Variants in RAD51 observed in about 807,000 individuals in gnomAD.
RAD51 encodes the protein RAD51 recombinase, also known as DNA repair protein RAD51 homolog 1.
In RAD51, 14 loss-of-function variants were observed where a neutral mutation model predicts 41.5. That is an observed-to-expected ratio of 0.34 (90% CI 0.22 to 0.53). The LOEUF (loss-of-function observed/expected upper bound fraction) is 0.53, where lower values mean the gene tolerates loss of function less well. Among genes scored for constraint, RAD51 ranks in the 20% least tolerant of loss-of-function variants. The probability of loss-of-function intolerance (pLI) is 0.95; values close to 1 mark genes in which losing one functional copy is unlikely to be tolerated. For missense variants in RAD51, 234 were observed against 422.0 expected (o/e 0.55, Z 3.90); for synonymous variants, 136 against 148.6 (o/e 0.92, Z 0.62).
chr15:40,715,216 C>T (rs1267783199), intron 5 of RAD51, among the ~76,000 whole-genome samples: 4 of 151,764 alleles, frequency 2.6e-5, no homozygotes, highest in Admixed American at 6.6e-5. Context: ...ATTAGCCAGG[C>T]GTGGGGGTGG....
chr15:40,729,849 T>A lies in RAD51; in HGVS notation c.775-4T>A. Reference sequence around the variant, plus strand: ...AAAATTGACATTTATCCTTTCCCCATCAGTTTGGTGTAGCAGTGGTAATCA... The same window carrying A: ...AAAATTGACATTTATCCTTTCCCCAACAGTTTGGTGTAGCAGTGGTAATCA... On this transcript the variant is annotated splice_region_variant and splice_polypyrimidine_tract_variant and intron_variant, in intron 8 of 9. Transcript: ENST00000267868. The A allele has an allele frequency of 6.2e-7, 1 of 1,614,188 alleles. No individual in the cohort carries two copies.
At chr15:40,716,764 C>T (rs771055373) in intron 5 of RAD51, among the ~76,000 whole-genome samples, 18 of 149,822 alleles carry the variant, frequency 1.2e-4, no homozygotes, top group South Asian at 8.5e-4. Flanking sequence ...AGGTTCACGC[C>T]ATTCTCCTGC....
chr15:40,695,027 G>A (rs1401341088), upstream of RAD51: 1 of 152,262 alleles, frequency 6.6e-6, no homozygotes. Flanking sequence ...AAGGGAAGAG[G>A]GCAGTCTGTA....
intron 5 of RAD51, among the ~76,000 whole-genome samples, chr15:40,718,228 C>T (rs949940639): frequency 7.0e-6 from 1 of 143,366 alleles, no homozygotes; most frequent in Non-Finnish European, 1.5e-5. Context: ...GTCTCCAAAA[C>T]AAAAAAAGGC....
intron 5 of RAD51, among the ~76,000 whole-genome samples, chr15:40,712,605 C>T (rs1277497723): frequency 6.6e-6 from 1 of 152,192 alleles, no homozygotes; most frequent in African/African-American, 2.4e-5. Flanking sequence ...AGTGGCCAGT[C>T]CACAAAGTAT....
At chr15:40,720,599 A>G (rs1896220431) in intron 6 of RAD51, among the ~76,000 whole-genome samples, 1 of 152,194 alleles carries the variant, frequency 6.6e-6, no homozygotes, top group Non-Finnish European at 1.5e-5. Context: ...ATCCATCCAC[A>G]AGAAAAACTA....
At chr15:40,701,714 T>C (rs1895006884) in intron 3 of RAD51, 1 of 235,692 alleles carries the variant, frequency 4.2e-6, no homozygotes, top group Non-Finnish European at 8.6e-6. Context: ...ATTTCTTCAG[T>C]GTTTATATAG....
intron 3 of RAD51, among the ~76,000 whole-genome samples, chr15:40,704,153 A>G (rs1895176573): frequency 6.6e-6 from 1 of 151,892 alleles, no homozygotes; most frequent in African/African-American, 2.4e-5. Flanking sequence ...TGCTCACTGC[A>G]ACCTCTGCCT....
At chr15:40,712,220 G>A (rs914361116) in intron 5 of RAD51, among the ~76,000 whole-genome samples, 1 of 152,264 alleles carries the variant, frequency 6.6e-6, no homozygotes, top group Non-Finnish European at 1.5e-5. Flanking sequence ...AAAGGGCAGC[G>A]CTTGATGACT....
intron 5 of RAD51, among the ~76,000 whole-genome samples, chr15:40,714,657 G>T (rs1301403026): frequency 6.6e-6 from 1 of 152,090 alleles, no homozygotes; most frequent in African/African-American, 2.4e-5. Flanking sequence ...TAATAGAAAA[G>T]ATTACATTTC....
At chr15:40,703,236 C>T (rs1895113882) in intron 3 of RAD51, among the ~76,000 whole-genome samples, 1 of 152,028 alleles carries the variant, frequency 6.6e-6, no homozygotes, top group South Asian at 2.1e-4. Flanking sequence ...AAGTAAGTGT[C>T]TAGTACATGT....
chr15:40,701,752 G>A (rs547240585), intron 3 of RAD51: 2 of 230,402 alleles, frequency 8.7e-6, no homozygotes, highest in Non-Finnish European at 1.7e-5. Flanking sequence ...CTTTACCCTT[G>A]AAGTTTTATG....
intron 3 of RAD51, among the ~76,000 whole-genome samples, chr15:40,705,187 A>G (rs1032835122): frequency 2.0e-5 from 3 of 152,174 alleles, no homozygotes; most frequent in Non-Finnish European, 4.4e-5. Flanking sequence ...ACGTTTTGGT[A>G]TATCTTCGTT....
At chr15:40,730,561 AC>A (rs1253116387) in intron 9 of RAD51, among the ~76,000 whole-genome samples, 1 of 90,042 alleles carries the variant, frequency 1.1e-5, no homozygotes, top group African/African-American at 3.6e-5. Flanking sequence ...TCGCTGTGTC[AC>A]CCAGGCTGGA....
Position 40,698,801 on chromosome 15 carries a change from G to A in RAD51, c.43G>A (p.Val15Met). 6.2e-7 allele frequency: 1 copy of A among 1,614,194 alleles called. No individual in the cohort carries two copies. The highest frequency in any genetic ancestry group is 2.2e-5 in the East Asian group (1 of 44,872). ...GCTTGAAGCAAATGCAGATACTTCA[G>A]TGGAAGAAGAAAGCTTTGGCCCACA... ...MQLEANADTSVEEESFGPQPI... is the reference protein window; with the variant it reads ...MQLEANADTSMEEESFGPQPI... The change falls in exon 2 of 10, where the codon GTG (valine) becomes ATG (methionine). Residue 15 changes from valine (V) to methionine (M), a missense_variant. Physicochemically the swap from Val to Met is conservative, Grantham distance 21 (BLOSUM62 1). Around this residue, in one of 2 missense-constraint regions of RAD51, gnomAD observed 100 missense variants for 135.5 expected, o/e 0.74. Coordinates refer to ENST00000267868, the MANE Select transcript of RAD51 (RefSeq NM_002875.5).
intron 6 of RAD51, among the ~76,000 whole-genome samples, chr15:40,721,947 A>G (rs936854132): frequency 2.6e-5 from 4 of 152,096 alleles, no homozygotes; most frequent in Non-Finnish European, 4.4e-5. Flanking sequence ...ATGAATAGAT[A>G]AAATGTACAT....
At chr15:40,713,262 T>A (rs1037098444) in intron 5 of RAD51, among the ~76,000 whole-genome samples, 4 of 149,592 alleles carry the variant, frequency 2.7e-5, no homozygotes, top group African/African-American at 4.9e-5. Context: ...TTTTTTTTTT[T>A]ATTTGAGACG....
intron 1 of RAD51, chr15:40,695,913 C>CAAGA (rs1894596455): frequency 6.6e-6 from 1 of 152,180 alleles, no homozygotes; most frequent in Non-Finnish European, 1.5e-5. Context: ...CTCGCTCTTC[C>CAAGA]GCCCAGGCTG....
chr15:40,728,872 C>G, intron 7 of RAD51, 48 bp downstream of exon 7: 1 of 1,483,496 alleles, frequency 6.7e-7, no homozygotes, highest in Non-Finnish European at 9.4e-7. Flanking sequence ...GAGTCCTTCC[C>G]TGAATCTTGT....
Sources: gnomAD v4.1 joint callset for allele counts (sites outside exome capture counted in the v4.1 genomes callset) on GRCh38, gnomAD v4.1.1 for gene constraint, gnomAD v4.1.1 regional missense constraint, MANE v1.5 for transcripts, NCBI Gene and HGNC (gene_info 2026-07-23, HGNC 2026-07-21) for gene names.